Variants in ADAMTS20 observed in about 807,000 individuals in gnomAD.
The protein encoded by ADAMTS20 is A disintegrin and metalloproteinase with thrombospondin motifs 20.
ADAMTS20 carries 225 observed loss-of-function variants against 260.1 expected under a neutral mutation model. The observed-to-expected ratio is 0.87, with a 90% CI of 0.78 to 0.97. The LOEUF (loss-of-function observed/expected upper bound fraction) is 0.97. ADAMTS20 is among the 50% of genes least tolerant of loss of function. The probability of loss-of-function intolerance (pLI) is 0.00; values close to 1 mark genes in which losing one functional copy is unlikely to be tolerated. For missense variants in ADAMTS20, 2,400 were observed against 2,337.7 expected (o/e 1.03, Z -0.55); for synonymous variants, 802 against 769.5 (o/e 1.04, Z -0.70).
At chr12:43,423,576 C>G (rs1941274099) in intron 28 of ADAMTS20, 2 of 599,594 alleles carry the variant, frequency 3.3e-6, no homozygotes, top group South Asian at 4.3e-5. Flanking sequence ...AAGTAATCCA[C>G]AGTCTTCTTA....
intron 28 of ADAMTS20, among the ~76,000 whole-genome samples, chr12:43,421,490 A>C (rs4768497): frequency 0.31 from 47,587 of 151,788 alleles, 8,154 homozygotes; most frequent in East Asian, 0.75. Flanking sequence ...TCTAAAATGA[A>C]ACTTAGTGAG....
In ADAMTS20 at chr12:43,375,482, A is replaced by G. The variant is rs1204818252; in HGVS notation, c.5343T>C (p.Asn1781=). Residue 1781 remains asparagine (N), a synonymous_variant, in exon 36 of 39, where the codon AAT becomes AAC. Transcript: ENST00000389420. ...ATTCACAGTCTTCCCTTCTACTCCC[A>G]TTAAAAGGACATTGATATGGATTTT... ...RLKNPYQCPF[N]GSRREDCECD... 1 of 1,613,358 alleles carries G rather than the reference A, an allele frequency of 6.2e-7. No individual in the cohort carries two copies. The highest frequency in any genetic ancestry group is 8.5e-7 in the Non-Finnish European group (1 of 1,179,468).
chr12:43,408,868 T>TACTAATCTAGCA (rs1940969287), intron 28 of ADAMTS20, among the ~76,000 whole-genome samples: 2 of 152,178 alleles, frequency 1.3e-5, no homozygotes, highest in Non-Finnish European at 2.9e-5. Context: ...TGGGATTTGG[T>TACTAATCTAGCA]GTCAGAGGCC....
At chr12:43,377,767 A>G (rs1940262272) in intron 31 of ADAMTS20, among the ~76,000 whole-genome samples, 1 of 151,838 alleles carries the variant, frequency 6.6e-6, no homozygotes, top group Non-Finnish European at 1.5e-5. Context: ...ACTCAGATCC[A>G]GGCTAGATTT....
intron 7 of ADAMTS20, among the ~76,000 whole-genome samples, chr12:43,478,621 G>T (rs1051026564): frequency 3.3e-5 from 5 of 151,918 alleles, no homozygotes; most frequent in Non-Finnish European, 7.4e-5. Flanking sequence ...ACAAAGAGAG[G>T]ATCTTATAAA....
chr12:43,480,710 A>G (rs1284849261), intron 7 of ADAMTS20, among the ~76,000 whole-genome samples: 1 of 152,208 alleles, frequency 6.6e-6, no homozygotes, highest in African/African-American at 2.4e-5. Flanking sequence ...AGGCATAGAA[A>G]GACAAATATC....
At chr12:43,387,300 C>G (rs1254337421) in intron 29 of ADAMTS20, among the ~76,000 whole-genome samples, 1 of 152,196 alleles carries the variant, frequency 6.6e-6, no homozygotes, top group Non-Finnish European at 1.5e-5. Flanking sequence ...GCCTGCTTGC[C>G]TGGGTATCAC....
At chr12:43,372,974 A>T (rs562269676) in intron 36 of ADAMTS20, among the ~76,000 whole-genome samples, 1 of 152,350 alleles carries the variant, frequency 6.6e-6, no homozygotes, top group East Asian at 1.9e-4. Flanking sequence ...TAAGTTAGAC[A>T]TTTAGAAAAG....
intron 16 of ADAMTS20, 31 bp from the exon 17 acceptor site, chr12:43,440,100 T>G (rs1398646136): frequency 3.4e-6 from 5 of 1,471,870 alleles, no homozygotes; most frequent in African/African-American, 1.4e-5. Flanking sequence ...ACTCATGAAA[T>G]AGTAACACCA....
intron 7 of ADAMTS20, among the ~76,000 whole-genome samples, chr12:43,489,304 A>T (rs1020801084): frequency 1.3e-5 from 2 of 152,088 alleles, no homozygotes; most frequent in African/African-American, 4.8e-5. Flanking sequence ...CACATAAAAG[A>T]ATGAAAACAA....
intron 3 of ADAMTS20, among the ~76,000 whole-genome samples, chr12:43,531,230 T>C (rs568693410): frequency 2.0e-5 from 3 of 152,150 alleles, no homozygotes; most frequent in South Asian, 4.1e-4. Flanking sequence ...CAGAAAACTA[T>C]ATAAAATATG....
At chr12:43,546,151 A>C (rs1400455637) in intron 2 of ADAMTS20, among the ~76,000 whole-genome samples, 1 of 152,186 alleles carries the variant, frequency 6.6e-6, no homozygotes, top group Non-Finnish European at 1.5e-5. Flanking sequence ...AAACAGTAAA[A>C]ACACTATTGA....
chr12:43,425,230 G>A (rs960011622), intron 28 of ADAMTS20, among the ~76,000 whole-genome samples: 10 of 152,004 alleles, frequency 6.6e-5, no homozygotes, highest in Non-Finnish European at 1.3e-4. Flanking sequence ...CCACATGGTG[G>A]GGAACAACAC....
chr12:43,426,153 A>G (rs1349104337), intron 27 of ADAMTS20, among the ~76,000 whole-genome samples: 1 of 152,192 alleles, frequency 6.6e-6, no homozygotes, highest in Non-Finnish European at 1.5e-5. Flanking sequence ...TTCAGTATAT[A>G]TAATATAAAA....
At position 43,434,145 on chromosome 12, in the gene ADAMTS20, G is replaced by A. The variant is rs191698117; in HGVS notation, c.2720+100C>T. The A allele has an allele frequency of 6.0e-4, 761 of 1,258,314 alleles. 2 individuals carry two copies. In the African/African-American group the frequency reaches 0.01, roughly 17 times the overall value. The allele number at this position is 1,258,314 out of a possible 1,614,324, so 77.9% of individuals were successfully genotyped here. A position where few individuals can be genotyped will look rare whatever the true frequency, so the allele number is the denominator to read the frequency against. On this transcript the variant is annotated intron_variant, in intron 19 of 38. Transcript: ENST00000389420. ...TTTTTCATGGCATGGCAGATGATGA[G>A]TAATAATTGCATGTCCATGCTGTGT...
chr12:43,543,175 G>T (rs533893297), intron 2 of ADAMTS20, among the ~76,000 whole-genome samples: 10 of 152,086 alleles, frequency 6.6e-5, no homozygotes, highest in African/African-American at 1.7e-4. Context: ...GGTCAGGTGT[G>T]GGGGGGTGTG....
intron 11 of ADAMTS20, among the ~76,000 whole-genome samples, chr12:43,455,470 A>G (rs1565556485): frequency 6.6e-6 from 1 of 152,184 alleles, no homozygotes; most frequent in Non-Finnish European, 1.5e-5. Context: ...ACAGAGCACA[A>G]TGCAGAAGGA....
chr12:43,531,194 C>A (rs550356545), intron 3 of ADAMTS20, among the ~76,000 whole-genome samples: 29 of 151,856 alleles, frequency 1.9e-4, no homozygotes, highest in African/African-American at 6.8e-4. Flanking sequence ...ACCCCAGAAA[C>A]AATACTAAGC....
chr12:43,440,247 C>G (rs934557588), intron 16 of ADAMTS20, among the ~76,000 whole-genome samples, 178 bp from the exon 17 acceptor site: 1 of 145,756 alleles, frequency 6.9e-6, no homozygotes, highest in Admixed American at 7.3e-5. Flanking sequence ...CTCTTGGATT[C>G]AAACAATTCT....
Sources: gnomAD v4.1 joint callset for allele counts (sites outside exome capture counted in the v4.1 genomes callset) on GRCh38, gnomAD v4.1.1 for gene constraint, MANE v1.5 for transcripts, NCBI Gene and HGNC (gene_info 2026-07-23, HGNC 2026-07-21) for gene names.